FCHSD2: variants seen among roughly 807,000 people sequenced by gnomAD.
FCHSD2 encodes the protein FCH and double SH3 domains 2.
A neutral mutation model predicts 108.1 loss-of-function variants in FCHSD2; 38 were observed. That is an observed-to-expected ratio of 0.35 (90% CI 0.27 to 0.46). FCHSD2 has a LOEUF of 0.46. Among genes scored for constraint, FCHSD2 ranks in the 20% least tolerant of loss-of-function variants. FCHSD2 has a pLI of 1.00. For synonymous variants in FCHSD2, 279 were observed against 314.7 expected (o/e 0.89, Z 1.20); for missense variants, 751 against 897.8 (o/e 0.84, Z 2.09).
At chr11:72,960,797 C>A (rs971044422) in intron 8 of FCHSD2, among the ~76,000 whole-genome samples, 2 of 152,138 alleles carry the variant, frequency 1.3e-5, no homozygotes, top group Non-Finnish European at 2.9e-5. Context: ...GTGTGAAATA[C>A]ACTCTGATAA....
intron 8 of FCHSD2, chr11:72,940,532 G>A: frequency 2.1e-6 from 2 of 946,836 alleles, no homozygotes; most frequent in Non-Finnish European, 3.4e-6. Flanking sequence ...GAGCTATGGA[G>A]AAAGAAGTAG....
intron 8 of FCHSD2, among the ~76,000 whole-genome samples, chr11:72,974,624 T>C (rs1214572432): frequency 1.3e-5 from 2 of 152,222 alleles, no homozygotes; most frequent in Admixed American, 1.3e-4. Context: ...GAAATATGGC[T>C]ACTGGGACTG....
chr11:73,030,978 T>A (rs974275722), intron 3 of FCHSD2, among the ~76,000 whole-genome samples: 1 of 152,022 alleles, frequency 6.6e-6, no homozygotes, highest in East Asian at 1.9e-4. Flanking sequence ...AGTATACACA[T>A]ACACATACAC....
chr11:72,927,723 G>T (rs1338188519), intron 8 of FCHSD2, among the ~76,000 whole-genome samples: 2 of 152,208 alleles, frequency 1.3e-5, no homozygotes, highest in Non-Finnish European at 2.9e-5. Context: ...TAGCTGACTA[G>T]GTTGAGCATT....
intron 9 of FCHSD2, among the ~76,000 whole-genome samples, chr11:72,913,662 G>A (rs1372219724): frequency 6.6e-6 from 1 of 152,088 alleles, no homozygotes; most frequent in Non-Finnish European, 1.5e-5. Context: ...GGTATTGGTT[G>A]TAATGTCTCC....
chr11:73,132,351 G>T (rs1236897686), intron 2 of FCHSD2, among the ~76,000 whole-genome samples: 2 of 152,064 alleles, frequency 1.3e-5, no homozygotes, highest in African/African-American at 4.8e-5. Flanking sequence ...TCACAGAAAA[G>T]CAAAAAGGTC....
At chr11:72,848,881 G>A (rs1861214687) in intron 14 of FCHSD2, among the ~76,000 whole-genome samples, 2 of 152,170 alleles carry the variant, frequency 1.3e-5, no homozygotes, top group African/African-American at 2.4e-5. Context: ...ACCTTTCCAA[G>A]TATCTGAGAA....
intron 10 of FCHSD2, among the ~76,000 whole-genome samples, chr11:72,896,303 T>C (rs751137874): frequency 2.0e-5 from 3 of 152,224 alleles, no homozygotes; most frequent in Non-Finnish European, 4.4e-5. Flanking sequence ...CTGGGAAACC[T>C]GAGGAAGTTT....
chr11:73,097,050 T>C (rs1300534659), intron 2 of FCHSD2, among the ~76,000 whole-genome samples: 1 of 134,344 alleles, frequency 7.4e-6, no homozygotes, highest in Non-Finnish European at 1.6e-5. Flanking sequence ...TCATCCAAGC[T>C]GGAGTATAGT....
intron 13 of FCHSD2, among the ~76,000 whole-genome samples, chr11:72,862,457 T>G (rs1854620670): frequency 6.6e-6 from 1 of 152,212 alleles, no homozygotes; most frequent in South Asian, 2.1e-4. Context: ...AATGAACAAT[T>G]GGAAACTGAA....
At chr11:72,986,627 C>A (rs2135401894) in intron 6 of FCHSD2, among the ~76,000 whole-genome samples, 1 of 152,232 alleles carries the variant, frequency 6.6e-6, no homozygotes, top group Admixed American at 6.5e-5. Flanking sequence ...GGGATATTCC[C>A]AGTTCTCCTT....
intron 9 of FCHSD2, among the ~76,000 whole-genome samples, chr11:72,908,891 C>T (rs1037492922): frequency 2.0e-5 from 3 of 152,038 alleles, no homozygotes; most frequent in African/African-American, 7.3e-5. Flanking sequence ...TGGGCTCAAG[C>T]GATCTGCCCA....
intron 2 of FCHSD2, among the ~76,000 whole-genome samples, chr11:73,135,132 G>A (rs967405423): frequency 1.3e-5 from 2 of 152,206 alleles, no homozygotes; most frequent in Non-Finnish European, 2.9e-5. Context: ...GGGATCACAG[G>A]CATAAGCCAC....
intron 8 of FCHSD2, among the ~76,000 whole-genome samples, chr11:72,957,611 C>T (rs1420069650): frequency 9.9e-5 from 15 of 150,946 alleles, no homozygotes; most frequent in Non-Finnish European, 1.5e-4. Flanking sequence ...ATTTTTGGAA[C>T]ATCTCGTAAA....
At chr11:72,871,649 A>AG (rs1165341311) in intron 12 of FCHSD2, among the ~76,000 whole-genome samples, 1 of 152,094 alleles carries the variant, frequency 6.6e-6, no homozygotes, top group Non-Finnish European at 1.5e-5. Flanking sequence ...GAGACTGAGG[A>AG]GGCAGGCTCA....
intron 13 of FCHSD2, among the ~76,000 whole-genome samples, chr11:72,851,071 C>G (rs1861274806): frequency 8.1e-6 from 1 of 123,572 alleles, no homozygotes; most frequent in African/African-American, 3.2e-5. Context: ...CACTGCACTA[C>G]AGCTGGGGCG....
At chr11:72,839,427 CA>C (rs940509261) in intron 19 of FCHSD2, among the ~76,000 whole-genome samples, 1 of 152,140 alleles carries the variant, frequency 6.6e-6, no homozygotes, top group African/African-American at 2.4e-5. Flanking sequence ...GGATCAGAGG[CA>C]AGCAAGAGTC....
intron 2 of FCHSD2, among the ~76,000 whole-genome samples, chr11:73,088,601 A>G (rs1439984820): frequency 6.6e-6 from 1 of 152,182 alleles, no homozygotes; most frequent in Non-Finnish European, 1.5e-5. Context: ...GTTTGAAAAA[A>G]AAGTCCTTTT....
intron 8 of FCHSD2, among the ~76,000 whole-genome samples, chr11:72,971,893 C>T (rs1390505397): frequency 6.6e-6 from 1 of 152,140 alleles, no homozygotes. Flanking sequence ...TCAAATATAA[C>T]TGCAAAGGAA....
Sources: gnomAD v4.1 joint callset for allele counts (sites outside exome capture counted in the v4.1 genomes callset) on GRCh38, gnomAD v4.1.1 for gene constraint, MANE v1.5 for transcripts, NCBI Gene and HGNC (gene_info 2026-07-23, HGNC 2026-07-21) for gene names.